The following CDC42SE2 variants were observed in gnomAD, a reference collection of about 807,000 sequenced individuals.
CDC42SE2 encodes the protein CDC42 small effector 2.
A neutral mutation model predicts 11.5 loss-of-function variants in CDC42SE2; 3 were observed. The observed-to-expected ratio is 0.26, with a 90% CI of 0.12 to 0.67. The LOEUF (loss-of-function observed/expected upper bound fraction) is 0.67, where lower values mean the gene tolerates loss of function less well. Among genes scored for constraint, CDC42SE2 ranks in the 30% least tolerant of loss-of-function variants. CDC42SE2 has a pLI of 0.80. For synonymous variants in CDC42SE2, 33 were observed against 34.8 expected, an observed-to-expected ratio of 0.95 and a Z score of 0.18; for missense variants, 82 against 106.8, an observed-to-expected ratio of 0.77 and a Z score of 1.02.
intron 4 of CDC42SE2, among the ~76,000 whole-genome samples, chr5:131,388,680 T>C (rs2149790758): frequency 6.6e-6 from 1 of 152,354 alleles, no homozygotes; most frequent in East Asian, 1.9e-4. Flanking sequence ...ATACATTGTC[T>C]CAACACTGAA....
the CDC42SE2 span, among the ~76,000 whole-genome samples, chr5:131,229,793 G>T: frequency 1.5e-3 from 231 of 152,234 alleles, no homozygotes; most frequent in African/African-American, 5.4e-3. Context: ...AATTAGCCAC[G>T]CATGGTGGCA....
intron 1 of CDC42SE2, among the ~76,000 whole-genome samples, chr5:131,295,965 G>A (rs567262448): frequency 6.6e-6 from 1 of 152,314 alleles, no homozygotes; most frequent in Admixed American, 6.5e-5. Context: ...GATTACAGGC[G>A]TGAGCCACCG....
chr5:131,373,358 C>T (rs886303096), intron 3 of CDC42SE2, among the ~76,000 whole-genome samples: 3 of 152,170 alleles, frequency 2.0e-5, no homozygotes, highest in African/African-American at 7.2e-5. Context: ...TGCCTAACTG[C>T]GTACAGAGGG....
chr5:131,307,911 G>T (rs1428858322), intron 1 of CDC42SE2, among the ~76,000 whole-genome samples: 1 of 152,140 alleles, frequency 6.6e-6, no homozygotes, highest in South Asian at 2.1e-4. Flanking sequence ...TTTTGATGGG[G>T]TTGTTTGTTT....
At chr5:131,352,605 C>T (rs1254192711) in intron 2 of CDC42SE2, among the ~76,000 whole-genome samples, 2 of 152,006 alleles carry the variant, frequency 1.3e-5, no homozygotes, top group Admixed American at 6.6e-5. Flanking sequence ...GTTTGGACTT[C>T]GATTAACCAC....
upstream of CDC42SE2, among the ~76,000 whole-genome samples, chr5:131,244,685 TG>T (rs1461166959): frequency 6.6e-6 from 1 of 152,042 alleles, no homozygotes; most frequent in African/African-American, 2.4e-5. Context: ...TACCGCAGCC[TG>T]GGCAACAGAG....
At chr5:131,268,199 A>T (rs1434654334) in intron 1 of CDC42SE2, among the ~76,000 whole-genome samples, 1 of 149,006 alleles carries the variant, frequency 6.7e-6, no homozygotes, top group Non-Finnish European at 1.5e-5. Context: ...AGTAGCTGGG[A>T]TTACAGGTGT....
chr5:131,300,659 T>G (rs2149715658), intron 1 of CDC42SE2, among the ~76,000 whole-genome samples: 1 of 152,062 alleles, frequency 6.6e-6, no homozygotes, highest in East Asian at 1.9e-4. Flanking sequence ...GGCGGGTGCC[T>G]GTAGTCCCAG....
chr5:131,283,874 G>A (rs549926947), intron 1 of CDC42SE2, among the ~76,000 whole-genome samples: 43 of 152,180 alleles, frequency 2.8e-4, no homozygotes, highest in Admixed American at 3.9e-4. Flanking sequence ...GTGAATGGAC[G>A]TTGGGTTGTT....
At chr5:131,283,932 G>A (rs922803420) in intron 1 of CDC42SE2, among the ~76,000 whole-genome samples, 1 of 152,182 alleles carries the variant, frequency 6.6e-6, no homozygotes, top group Non-Finnish European at 1.5e-5. Context: ...GAACATTCAT[G>A]TACAAGTTTT....
chr5:131,279,582 C>G (rs1006706798), intron 1 of CDC42SE2, among the ~76,000 whole-genome samples: 42 of 151,848 alleles, frequency 2.8e-4, no homozygotes, highest in African/African-American at 1.0e-3. Context: ...TTCTTCTACT[C>G]TGTGATTTCT....
chr5:131,333,399 A>G (rs942967534), intron 2 of CDC42SE2, among the ~76,000 whole-genome samples: 19 of 152,100 alleles, frequency 1.2e-4, no homozygotes, highest in African/African-American at 3.1e-4. Context: ...GTCAGGTAGC[A>G]TGATGCCTCC....
At chr5:131,309,199 A>G (rs1757844830) in intron 1 of CDC42SE2, among the ~76,000 whole-genome samples, 1 of 152,144 alleles carries the variant, frequency 6.6e-6, no homozygotes, top group South Asian at 2.1e-4. Context: ...ATCTATTGAG[A>G]TAATCATGTG....
At chr5:131,241,100 T>G (rs1756537567), upstream of CDC42SE2, among the ~76,000 whole-genome samples, 1 of 152,172 alleles carries the variant, frequency 6.6e-6, no homozygotes, top group African/African-American at 2.4e-5. Context: ...TGCCTCAGCC[T>G]CCTGAGTAGC....
At chr5:131,360,020 G>A (rs1749663607) in intron 3 of CDC42SE2, among the ~76,000 whole-genome samples, 1 of 152,148 alleles carries the variant, frequency 6.6e-6, no homozygotes, top group Admixed American at 6.5e-5. Context: ...CATATAGCTT[G>A]TCAGTGGTCT....
chr5:131,277,302 C>T (rs539994364), intron 1 of CDC42SE2, among the ~76,000 whole-genome samples: 13 of 152,126 alleles, frequency 8.5e-5, no homozygotes, highest in South Asian at 2.1e-4. Flanking sequence ...GTTTGATGCC[C>T]GCCATCCTAC....
Position 131,360,368 on chromosome 5 carries a change from C to T in CDC42SE2, c.54+821C>T, listed in dbSNP as rs187639494. On this transcript the variant is annotated intron_variant, in intron 3 of 4. Transcript: ENST00000505065. ...CTCCTGACCTCAGGTGATCCACCCG[C>T]CTCTGCCTCCCAAAATGCTGGGATT... 1.5e-3 allele frequency among the ~76,000 whole-genome samples: 233 copies of T among 152,334 alleles called. 1 individual carries two copies. The highest frequency in any genetic ancestry group is 5.3e-3 in the African/African-American group (220 of 41,578).
chr5:131,375,336 C>G (rs1310013907), intron 3 of CDC42SE2, among the ~76,000 whole-genome samples: 1 of 149,332 alleles, frequency 6.7e-6, no homozygotes, highest in Non-Finnish European at 1.5e-5. Flanking sequence ...CTACTAAACC[C>G]TAAAGGACAG....
chr5:131,385,737 C>CCTG, intron 4 of CDC42SE2, 93 bp downstream of exon 4: 1 of 689,850 alleles, frequency 1.4e-6, no homozygotes, highest in Non-Finnish European at 2.5e-6. Flanking sequence ...TAGCATTATG[C>CCTG]TAAATGAATT....
Sources: gnomAD v4.1 joint callset for allele counts (sites outside exome capture counted in the v4.1 genomes callset) on GRCh38, gnomAD v4.1.1 for gene constraint, MANE v1.5 for transcripts, NCBI Gene and HGNC (gene_info 2026-07-23, HGNC 2026-07-21) for gene names.